Variants in SLC1A2 observed in about 807,000 individuals in gnomAD.
SLC1A2 encodes solute carrier family 1 member 2.
A neutral mutation model predicts 48.8 loss-of-function variants in SLC1A2; 15 were observed. The ratio of observed to expected loss-of-function variants is 0.31; its 90% CI spans 0.21 to 0.47. The LOEUF is 0.47. Among genes scored for constraint, SLC1A2 ranks in the 20% least tolerant of loss-of-function variants. SLC1A2 has a pLI of 0.99. For missense variants in SLC1A2, 502 were observed against 730.5 expected (o/e 0.69, Z 3.61); for synonymous variants, 279 against 272.6 (o/e 1.02, Z -0.23).
chr11:35,292,361 C>T lies in SLC1A2; in HGVS notation c.1017G>A (p.Val339=). 6.2e-7 allele frequency: 1 copy of T among 1,613,976 alleles called. No homozygotes were observed. The highest frequency in any genetic ancestry group is 1.6e-4 in the Middle Eastern group (1 of 6,062). ...GIFLPLIYFV[V]TRKNPFSFFA... is the part of the protein sequence containing the mutation. ...AAAAGGAGAAGGGGTTTTTCCTGGT[C>T]ACTACAAAGTAAATCAAGGGGAGAA... The change falls in exon 7 of 11, where the codon GTG becomes GTA. Residue 339 remains valine, a synonymous_variant. Transcript: ENST00000278379.
chr11:35,381,212 G>A (rs936958304), intron 1 of SLC1A2, among the ~76,000 whole-genome samples: 3 of 152,028 alleles, frequency 2.0e-5, no homozygotes, highest in Non-Finnish European at 4.4e-5. Flanking sequence ...ATCCAGACTG[G>A]GCAATCAGAG....
intron 6 of SLC1A2, among the ~76,000 whole-genome samples, chr11:35,295,243 G>A (rs561192092): frequency 1.2e-4 from 18 of 151,934 alleles, no homozygotes; most frequent in African/African-American, 4.3e-4. Flanking sequence ...TTTGTAGGAG[G>A]TCTCACTATT....
At chr11:35,365,046 T>G (rs1054615472) in intron 1 of SLC1A2, among the ~76,000 whole-genome samples, 1 of 152,184 alleles carries the variant, frequency 6.6e-6, no homozygotes, top group African/African-American at 2.4e-5. Flanking sequence ...CCTTATGATC[T>G]CTGTTTAACA....
chr11:35,354,970 G>A (rs868085983), intron 1 of SLC1A2, among the ~76,000 whole-genome samples: 10 of 152,290 alleles, frequency 6.6e-5, no homozygotes, highest in African/African-American at 2.4e-4. Flanking sequence ...AATGGAATGT[G>A]TCTCATAATG....
chr11:35,314,354 C>T (rs1244861452), intron 3 of SLC1A2, among the ~76,000 whole-genome samples: 1 of 152,110 alleles, frequency 6.6e-6, no homozygotes, highest in African/African-American at 2.4e-5. Context: ...AGATAATTTC[C>T]TTTTCCATCT....
intron 1 of SLC1A2, among the ~76,000 whole-genome samples, chr11:35,395,412 A>G (rs978271228): frequency 3.3e-5 from 5 of 152,060 alleles, no homozygotes; most frequent in African/African-American, 1.2e-4. Context: ...CTCTTCCCAC[A>G]TCACCCCTCC....
intron 4 of SLC1A2, 195 bp downstream of exon 4, chr11:35,312,003 T>TA: frequency 2.5e-6 from 1 of 395,866 alleles, no homozygotes; most frequent in Non-Finnish European, 4.4e-6. Context: ...AAGGGATGTT[T>TA]AAAAAAATTA....
intron 1 of SLC1A2, chr11:35,360,211 T>A: frequency 2.7e-6 from 1 of 373,886 alleles, no homozygotes; most frequent in Non-Finnish European, 3.7e-6. Flanking sequence ...TACTGACTTT[T>A]GTCATTTGGT....
At chr11:35,289,104 T>C (rs1439320073) in intron 7 of SLC1A2, among the ~76,000 whole-genome samples, 1 of 152,182 alleles carries the variant, frequency 6.6e-6, no homozygotes, top group East Asian at 1.9e-4. Context: ...GTTTTTTAAG[T>C]ATTAGTTTTA....
intron 7 of SLC1A2, among the ~76,000 whole-genome samples, chr11:35,289,232 A>G (rs1013736158): frequency 1.3e-5 from 2 of 152,068 alleles, no homozygotes; most frequent in Admixed American, 1.3e-4. Flanking sequence ...AACTACCCTC[A>G]ACGTCTTTAT....
intron 1 of SLC1A2, among the ~76,000 whole-genome samples, chr11:35,361,039 C>T (rs976554922): frequency 1.3e-5 from 2 of 152,054 alleles, no homozygotes; most frequent in South Asian, 2.1e-4. Context: ...GCATGCCCAA[C>T]TAATTTTTGT....
In SLC1A2 at chr11:35,266,784, A is replaced by G. The variant is rs1039856169; in HGVS notation, c.1422-1026T>C. ...TTAGTCCAGGACATTTTAGCTTTCA[A>G]TTCAAATAATATGAGTTCCAGGCAA... On this transcript the variant is annotated intron_variant, in intron 9 of 10. Transcript: ENST00000278379. 2.0e-5 allele frequency among the ~76,000 whole-genome samples: 3 copies of G among 152,372 alleles called. No homozygotes were observed. In the East Asian group the frequency reaches 5.8e-4, roughly 29 times the overall value.
intron 1 of SLC1A2, among the ~76,000 whole-genome samples, chr11:35,366,483 G>T (rs1415586241): frequency 6.6e-6 from 1 of 152,180 alleles, no homozygotes. Flanking sequence ...AAATATACCA[G>T]CTCCCTTGTT....
intron 1 of SLC1A2, among the ~76,000 whole-genome samples, chr11:35,360,990 C>G (rs1191814402): frequency 6.6e-6 from 1 of 152,152 alleles, no homozygotes; most frequent in Non-Finnish European, 1.5e-5. Flanking sequence ...ATTTTCCTGT[C>G]TCAGCCTCCT....
intron 9 of SLC1A2, among the ~76,000 whole-genome samples, chr11:35,275,762 C>T (rs554044128): frequency 6.6e-6 from 1 of 152,276 alleles, no homozygotes; most frequent in African/African-American, 2.4e-5. Context: ...AGCTTACAAA[C>T]CTTGGCTAAA....
At chr11:35,280,138 C>T (rs940953154) in intron 9 of SLC1A2, among the ~76,000 whole-genome samples, 9 of 152,066 alleles carry the variant, frequency 5.9e-5, no homozygotes, top group African/African-American at 2.2e-4. Flanking sequence ...CTATACCTGG[C>T]CCAAGAAACC....
chr11:35,256,867 C>T lies in SLC1A2; in HGVS notation c.*4027G>A, dbSNP rs1247369721. ...TTTTAGTCATCAAACTAGATGAGAG[C>T]TAATGAGACTTGTTTTTCAGGAGTC... On this transcript the variant is annotated 3_prime_UTR_variant, in exon 11 of 11. Coordinates refer to ENST00000278379, the MANE Select transcript of SLC1A2 (RefSeq NM_004171.4). The T allele has an allele frequency of 6.6e-6, 1 of 152,048 alleles. No homozygotes were observed. Among genetic ancestry groups the T allele is most frequent in the Non-Finnish European group, 1.5e-5 (1 of 68,026 alleles). 9.4% of individuals were successfully genotyped at this position (152,048 alleles called of 1,614,324 possible).
intron 1 of SLC1A2, among the ~76,000 whole-genome samples, chr11:35,328,422 T>G (rs1272623943): frequency 1.3e-5 from 2 of 152,232 alleles, no homozygotes; most frequent in Non-Finnish European, 2.9e-5. Flanking sequence ...CTAAGTCTTC[T>G]TATATATGAA....
At chr11:35,281,024 G>T (rs745502501) in intron 8 of SLC1A2, 23 bp from the exon 9 acceptor site, 2 of 1,560,072 alleles carry the variant, frequency 1.3e-6, no homozygotes, top group South Asian at 1.2e-5. Flanking sequence ...AGAAGTTCAG[G>T]TCATGGAAAT....
Sources: gnomAD v4.1 joint callset for allele counts (sites outside exome capture counted in the v4.1 genomes callset) on GRCh38, gnomAD v4.1.1 for gene constraint, MANE v1.5 for transcripts, NCBI Gene and HGNC (gene_info 2026-07-23, HGNC 2026-07-21) for gene names.